SYNJ2: variants seen among roughly 807,000 people sequenced by gnomAD.
The protein encoded by SYNJ2 is polyphosphatidylinositol phosphatase SYNJ2.
SYNJ2 carries 116 observed loss-of-function variants against 141.3 expected under a neutral mutation model. That is an observed-to-expected ratio of 0.82 (90% CI 0.71 to 0.96). The LOEUF (loss-of-function observed/expected upper bound fraction) is 0.96. SYNJ2 is among the 40% of genes least tolerant of loss of function. The pLI is 0.00. For missense variants in SYNJ2, 1,873 were observed against 1,934.8 expected, an observed-to-expected ratio of 0.97 and a Z score of 0.60; for synonymous variants, 745 against 777.7, an observed-to-expected ratio of 0.96 and a Z score of 0.70.
intron 15 of SYNJ2, among the ~76,000 whole-genome samples, chr6:158,073,228 C>T (rs1782051667): frequency 6.6e-6 from 1 of 152,062 alleles, no homozygotes; most frequent in Admixed American, 6.6e-5. Context: ...GAGACAGTCT[C>T]ACTCTGCCAC....
At position 158,064,693 on chromosome 6, in the gene SYNJ2, T is replaced by G. The variant is rs765880256; in HGVS notation, c.1302T>G (p.Asn434Lys). The G allele has an allele frequency of 6.8e-6, 11 of 1,614,052 alleles. No homozygotes were observed. The South Asian group carries it at 1.1e-4, about 16-fold the overall frequency. ...CCTTCAAAGCCATGTGGTCTCTGAATGGCCACAGCCTGAGCAAGGTGTTCA... is the reference window on the plus strand; with the variant it reads ...CCTTCAAAGCCATGTGGTCTCTGAAGGGCCACAGCCTGAGCAAGGTGTTCA... ...VESFKAMWSL[N>K]GHSLSKVFTG... Residue 434 changes from asparagine (N) to lysine (K), a missense_variant, in exon 10 of 27, where the codon AAT becomes AAG. Asn to Lys is a moderately conservative substitution (Grantham distance 94, BLOSUM62 0). Coordinates refer to ENST00000355585, the MANE Select transcript of SYNJ2 (RefSeq NM_003898.4).
chr6:158,078,698 ACAACTTATCCATT>A (rs1299987626), intron 18 of SYNJ2: 10 of 154,334 alleles, frequency 6.5e-5, no homozygotes, highest in African/African-American at 2.4e-4. Context: ...CATGGAACTT[ACAACTTATCCATT>A]CACCTCTTGA....
chr6:158,073,068 T>TAA (rs59003520), intron 15 of SYNJ2, among the ~76,000 whole-genome samples: 33 of 134,366 alleles, frequency 2.5e-4, no homozygotes, highest in African/African-American at 8.0e-4. Flanking sequence ...AGACTCTGTC[T>TAA]AAAAAAAAAA....
At chr6:158,060,048 G>A (rs1781115019) in intron 7 of SYNJ2, among the ~76,000 whole-genome samples, 1 of 152,160 alleles carries the variant, frequency 6.6e-6, no homozygotes. Flanking sequence ...GGCTGGTCCT[G>A]GGTGAGTTCC....
At chr6:158,044,153 G>A (rs1162704476) in intron 5 of SYNJ2, among the ~76,000 whole-genome samples, 2 of 152,200 alleles carry the variant, frequency 1.3e-5, no homozygotes, top group African/African-American at 2.4e-5. Context: ...GTCGCCTCTC[G>A]GCTCTTCTTA....
At chr6:158,068,518 G>A in intron 12 of SYNJ2, 129 bp from the exon 13 acceptor site, 4 of 977,754 alleles carry the variant, frequency 4.1e-6, no homozygotes, top group Non-Finnish European at 6.2e-6. Flanking sequence ...CAGCAGCAAT[G>A]GTAGCCACCT....
rs765278443 is a variant in SYNJ2 at position 158,078,235 on chromosome 6, G to A, written c.2521G>A (p.Ala841Thr). 21 of 1,613,948 alleles carry A rather than the reference G, an allele frequency of 1.3e-5. No homozygotes were observed. The highest frequency in any genetic ancestry group is 1.6e-4 in the Middle Eastern group (1 of 6,084). ...TKVRHTWSPG[A>T]LQYYGRAELQ... Reference sequence around the variant, plus strand: ...AGTCAGACACACCTGGTCTCCTGGTGCCCTGCAGTATTATGGTCGTGCGGA... The same window carrying A: ...AGTCAGACACACCTGGTCTCCTGGTACCCTGCAGTATTATGGTCGTGCGGA... Residue 841 changes from alanine to threonine, a missense_variant, in exon 18 of 27, where the codon GCC becomes ACC. By Grantham distance (58) the Ala-to-Thr change is moderately conservative (BLOSUM62 0). Coordinates refer to ENST00000355585, the MANE Select transcript of SYNJ2 (RefSeq NM_003898.4).
intron 25 of SYNJ2, among the ~76,000 whole-genome samples, chr6:158,092,173 C>T (rs754459117): frequency 2.6e-5 from 4 of 151,946 alleles, no homozygotes; most frequent in Admixed American, 6.6e-5. Flanking sequence ...CCTACAGTCC[C>T]GGCTTAACAC....
rs2296509 is a variant in SYNJ2 at position 158,068,746 on chromosome 6, C to T, written c.1799+18C>T. 0.19 allele frequency: 312,093 copies of T among 1,613,088 alleles called. 31,314 individuals carry two copies. The highest frequency in any genetic ancestry group is 0.2 in the Non-Finnish European group (236,640 of 1,179,546). On this transcript the variant is annotated intron_variant, in intron 13 of 26. Transcript: ENST00000355585. Reference sequence around the variant, plus strand: ...AATGCCAGGTAAGGGGCCAGGTGTGCGGGGCCAGGCAGGGACTTCCTGAGT... The same window carrying T: ...AATGCCAGGTAAGGGGCCAGGTGTGTGGGGCCAGGCAGGGACTTCCTGAGT...
In SYNJ2 at chr6:157,983,379, T is replaced by G. The variant is rs55874368; in HGVS notation, c.127+1291T>G. Among the ~76,000 whole-genome samples the G allele has an allele frequency of 2.4e-3, 361 of 152,376 alleles. 2 individuals are homozygous for G. Among genetic ancestry groups the G allele is most frequent in the South Asian group, 0.011 (55 of 4,832 alleles). On this transcript the variant is annotated intron_variant, in intron 1 of 26. Transcript: ENST00000355585. ...TGTGCTGTCCTGAAGAGTCTAAGTTTGGTTATTTGGTGTGGCCTTGAAAGA... is the reference window on the plus strand; with the variant it reads ...TGTGCTGTCCTGAAGAGTCTAAGTTGGGTTATTTGGTGTGGCCTTGAAAGA...
At chr6:158,087,876 T>TTC (rs201550703) in intron 23 of SYNJ2, among the ~76,000 whole-genome samples, 1,141 of 87,196 alleles carry the variant, frequency 0.013, 17 homozygotes, top group African/African-American at 0.095. Context: ...AACATACTTC[T>TTC]TTTTTTTTTT....
chr6:158,085,012 T>C (rs1320231639), intron 22 of SYNJ2, among the ~76,000 whole-genome samples: 2 of 150,408 alleles, frequency 1.3e-5, no homozygotes, highest in African/African-American at 2.5e-5. Context: ...ACCCCTAGAT[T>C]AAATAATACA....
chr6:158,010,816 G>T (rs1266070758), intron 1 of SYNJ2, among the ~76,000 whole-genome samples: 1 of 151,542 alleles, frequency 6.6e-6, no homozygotes, highest in African/African-American at 2.4e-5. Context: ...ATGATGGGGG[G>T]GACATGTTGG....
chr6:158,081,695 C>T (rs898184274), intron 20 of SYNJ2, among the ~76,000 whole-genome samples, 185 bp downstream of exon 20: 6 of 140,918 alleles, frequency 4.3e-5, no homozygotes, highest in South Asian at 2.3e-4. Flanking sequence ...AATCACAGCT[C>T]GCTGCAGCCT....
intron 18 of SYNJ2, chr6:158,079,482 C>G (rs1026967850): frequency 6.7e-6 from 1 of 150,312 alleles, no homozygotes; most frequent in Non-Finnish European, 1.5e-5. Flanking sequence ...AAGTGATTTT[C>G]ATGTCTCAGC....
chr6:158,064,504 G>A lies in SYNJ2; in HGVS notation c.1210-97G>A, dbSNP rs75376519. 6,163 of 1,477,224 alleles carry A rather than the reference G, an allele frequency of 4.2e-3. 162 individuals carry two copies. The African/African-American group carries it at 0.063, about 15-fold the overall frequency. 91.5% of individuals were successfully genotyped at this position (1,477,224 alleles called of 1,614,324 possible). On this transcript the variant is annotated intron_variant, in intron 9 of 26. Coordinates refer to ENST00000355585, the MANE Select transcript of SYNJ2 (RefSeq NM_003898.4). ...GGGCACAGAGTCTTCCAGGCACAGC[G>A]TAATCCACAGGCTGCCGAATAAGGA...
chr6:158,095,530 C>T lies in SYNJ2; in HGVS notation c.3745-88C>T, dbSNP rs188661301. 350 of 1,474,886 alleles carry T rather than the reference C, an allele frequency of 2.4e-4. No individual in the cohort carries two copies. In the African/African-American group the frequency reaches 4.3e-3, roughly 18 times the overall value. 91.4% of individuals were successfully genotyped at this position (1,474,886 alleles called of 1,614,324 possible). A position where few individuals can be genotyped will look rare whatever the true frequency, so the allele number is the denominator to read the frequency against. On this transcript the variant is annotated intron_variant, in intron 26 of 26. Transcript: ENST00000355585. ...CTAGAATGTCAGCTTGGTCTCATCTCTGTTCTCTGCTGGCCACTCTGTTCT... is the reference window on the plus strand; with the variant it reads ...CTAGAATGTCAGCTTGGTCTCATCTTTGTTCTCTGCTGGCCACTCTGTTCT...
chr6:158,081,133 G>A lies in SYNJ2; in HGVS notation c.2592G>A (p.Val864=), dbSNP rs750397482. 6.2e-7 allele frequency: 1 copy of A among 1,614,062 alleles called. No homozygotes were observed. The highest frequency in any genetic ancestry group is 1.1e-5 in the South Asian group (1 of 91,068). The change falls in exon 19 of 27, where the codon GTG becomes GTA. Residue 864 remains valine, a synonymous_variant. Transcript: ENST00000355585. ...GACCTGTGCTGGCGATCGTGGAGGT[G>A]GAAGTTCAGGAAGTCGATGTGGGTG... ...DHRPVLAIVE[V]EVQEVDVGAR... is the part of the protein sequence containing the mutation.
intron 1 of SYNJ2, among the ~76,000 whole-genome samples, chr6:158,015,422 A>G (rs536036550): frequency 2.6e-5 from 4 of 152,190 alleles, no homozygotes; most frequent in Non-Finnish European, 5.9e-5. Flanking sequence ...AAAGCTCCTT[A>G]AGGGCTCTGT....
Sources: gnomAD v4.1 joint callset for allele counts (sites outside exome capture counted in the v4.1 genomes callset) on GRCh38, gnomAD v4.1.1 for gene constraint, MANE v1.5 for transcripts, NCBI Gene and HGNC (gene_info 2026-07-23, HGNC 2026-07-21) for gene names.